SND1: variants seen among roughly 807,000 people sequenced by gnomAD.
SND1 encodes staphylococcal nuclease domain-containing protein 1.
SND1 carries 38 observed loss-of-function variants against 121.7 expected under a neutral mutation model. The ratio of observed to expected loss-of-function variants is 0.31; its 90% CI spans 0.24 to 0.41. SND1 has a LOEUF of 0.41. SND1 is among the 10% of genes least tolerant of loss of function. The pLI is 1.00. For synonymous variants in SND1, 401 were observed against 447.4 expected (o/e 0.90, Z 1.31); for missense variants, 868 against 1,184.6 (o/e 0.73, Z 3.92).
At chr7:127,738,058 G>C (rs1299132906) in intron 10 of SND1, among the ~76,000 whole-genome samples, 1 of 152,126 alleles carries the variant, frequency 6.6e-6, no homozygotes, top group Non-Finnish European at 1.5e-5. Flanking sequence ...ACTCTATATG[G>C]TTAGCATGTA....
chr7:127,922,647 A>G (rs1309477595), intron 14 of SND1, among the ~76,000 whole-genome samples: 1 of 152,166 alleles, frequency 6.6e-6, no homozygotes, highest in East Asian at 1.9e-4. Context: ...TTGGAGTGCT[A>G]TCCTTGCACT....
rs201675724 is a variant in SND1, at chr7:128,087,016, G to C, written c.2383G>C (p.Glu795Gln). 140 of 1,614,092 alleles carry C rather than the reference G, an allele frequency of 8.7e-5. 1 individual carries two copies. The highest frequency in any genetic ancestry group is 1.4e-5 in the Non-Finnish European group (17 of 1,180,050). ...STRVLPAQAT[E>Q]YAFAFIQVPQ... ...TCGGGTGCTGCCAGCTCAAGCCACG[G>C]AGTATGCCTTCGCCTTCATCCAGGT... Residue 795 changes from glutamate (E) to glutamine (Q), a missense_variant, in exon 21 of 24, where the codon GAG becomes CAG. By Grantham distance (29) the Glu-to-Gln change is conservative (BLOSUM62 2). This residue lies in a region of SND1 where 743 missense variants were observed against 1,071.3 expected (regional missense o/e 0.69). Coordinates refer to ENST00000354725, the MANE Select transcript of SND1 (RefSeq NM_014390.4).
intron 10 of SND1, among the ~76,000 whole-genome samples, chr7:127,774,580 A>ATT (rs71179600): frequency 8.6e-5 from 12 of 139,200 alleles, no homozygotes; most frequent in Admixed American, 1.4e-4. Context: ...ATTTTTTATC[A>ATT]TTTTTTTTTT....
chr7:127,895,073 T>A (rs1800091289), intron 13 of SND1, among the ~76,000 whole-genome samples: 1 of 152,052 alleles, frequency 6.6e-6, no homozygotes, highest in African/African-American at 2.4e-5. Context: ...CATCTCTCAT[T>A]TCTATTAAAT....
chr7:127,949,701 G>A (rs1801418261), intron 15 of SND1, among the ~76,000 whole-genome samples: 1 of 152,198 alleles, frequency 6.6e-6, no homozygotes, highest in South Asian at 2.1e-4. Context: ...TCCAATCCAT[G>A]GTCCTTTGCC....
intron 11 of SND1, among the ~76,000 whole-genome samples, chr7:127,815,222 T>C (rs1798413546): frequency 6.6e-6 from 1 of 152,076 alleles, no homozygotes; most frequent in Non-Finnish European, 1.5e-5. Context: ...AACCTTAGAG[T>C]GTGACCTTAT....
chr7:127,712,452 G>T (rs1454685153), intron 9 of SND1, among the ~76,000 whole-genome samples: 1 of 152,154 alleles, frequency 6.6e-6, no homozygotes, highest in African/African-American at 2.4e-5. Flanking sequence ...GACCCACCAT[G>T]CCTGGCCAGG....
Position 128,029,083 on chromosome 7 carries a change from C to A in SND1, c.1779+38027C>A. 6.2e-7 allele frequency: 1 copy of A among 1,614,036 alleles called. No homozygotes were observed. The highest frequency in any genetic ancestry group is 1.3e-5 in the African/African-American group (1 of 74,982). ...ATCTTGGTGGTCTTCATGACTTCATCCAGGCTGGTCTGCATCTTGTCAGTG... is the reference window on the plus strand; with the variant it reads ...ATCTTGGTGGTCTTCATGACTTCATACAGGCTGGTCTGCATCTTGTCAGTG... On this transcript the variant is annotated intron_variant, in intron 16 of 23. Coordinates refer to ENST00000354725, the MANE Select transcript of SND1 (RefSeq NM_014390.4). The surrounding 1 kb of genome is among the most constrained non-coding windows in gnomAD (Gnocchi z 4.2).
rs368849581 is a variant in SND1, at chr7:128,084,879, T to C, written c.2234+32T>C. On this transcript the variant is annotated intron_variant, in intron 19 of 23. Transcript: ENST00000354725. Reference sequence around the variant, plus strand: ...CACTTGGAAAAGCAAGGCAGAGTCTTGAGCAGGAACGATAGCAGGGCTGTC... The same window carrying C: ...CACTTGGAAAAGCAAGGCAGAGTCTCGAGCAGGAACGATAGCAGGGCTGTC... The C allele has an allele frequency of 5.7e-6, 9 of 1,575,086 alleles. No homozygotes were observed. In the Admixed American group the frequency reaches 1.6e-4, roughly 27 times the overall value.
intron 16 of SND1, among the ~76,000 whole-genome samples, chr7:128,011,438 A>T (rs1803115447): frequency 1.3e-5 from 2 of 152,114 alleles, no homozygotes; most frequent in African/African-American, 4.8e-5. Flanking sequence ...CTGACATTTT[A>T]ATGCTTTTGT....
chr7:128,027,140 G>C (rs1554458737), intron 16 of SND1: 1 of 152,500 alleles, frequency 6.6e-6, no homozygotes, highest in Admixed American at 6.6e-5. Context: ...GTGTTCTTTT[G>C]TTGGCAATTC....
At chr7:127,952,418 A>G (rs1801481573) in intron 15 of SND1, among the ~76,000 whole-genome samples, 1 of 152,238 alleles carries the variant, frequency 6.6e-6, no homozygotes, top group Non-Finnish European at 1.5e-5. Context: ...TCCAAAGGGC[A>G]GGCAACAACC....
At chr7:127,821,039 G>A (rs1798537664) in intron 11 of SND1, among the ~76,000 whole-genome samples, 2 of 152,182 alleles carry the variant, frequency 1.3e-5, no homozygotes, top group South Asian at 4.1e-4. Context: ...GTTGGCCTTG[G>A]ATCCTCCCGA....
At chr7:127,696,030 G>T (rs1174453681) in intron 3 of SND1, among the ~76,000 whole-genome samples, 1 of 152,176 alleles carries the variant, frequency 6.6e-6, no homozygotes, top group African/African-American at 2.4e-5. Flanking sequence ...CCAGAAAGCA[G>T]CCAGATGAAC....
chr7:128,031,738 G>A (rs1454668948), intron 16 of SND1: 1 of 144,424 alleles, frequency 6.9e-6, no homozygotes, highest in East Asian at 2.1e-4. Context: ...CGGGTCCGGC[G>A]GCGGCGGCGG....
chr7:127,885,918 GCCTT>G (rs748953645), intron 12 of SND1, among the ~76,000 whole-genome samples: 19 of 152,084 alleles, frequency 1.2e-4, no homozygotes, highest in Non-Finnish European at 2.4e-4. Flanking sequence ...CCACTCCCCA[GCCTT>G]CTTACTAGCT....
chr7:127,657,880 C>T (rs1795238853), intron 1 of SND1, among the ~76,000 whole-genome samples: 1 of 152,088 alleles, frequency 6.6e-6, no homozygotes, highest in Admixed American at 6.6e-5. Flanking sequence ...TTGGGTTTAA[C>T]CTGAGTTATT....
chr7:128,048,459 C>T (rs1442944612), intron 16 of SND1, among the ~76,000 whole-genome samples: 2 of 152,112 alleles, frequency 1.3e-5, no homozygotes, highest in African/African-American at 2.4e-5. Context: ...TCATGTATGA[C>T]GCCTCAATTT....
chr7:127,685,022 G>A (rs1161913751), intron 1 of SND1, among the ~76,000 whole-genome samples: 1 of 152,112 alleles, frequency 6.6e-6, no homozygotes, highest in Non-Finnish European at 1.5e-5. Flanking sequence ...CTTGGTCAGG[G>A]TAATGGTGGG....
Sources: allele counts gnomAD v4.1 joint callset (sites outside exome capture counted in the v4.1 genomes callset), GRCh38; gene constraint gnomAD v4.1.1; regional missense constraint gnomAD v4.1.1; non-coding constraint Gnocchi (gnomAD v3.1); transcripts MANE v1.5; gene names NCBI Gene and HGNC (gene_info 2026-07-23, HGNC 2026-07-21).